The following PCDHGA2 variants were observed in gnomAD, a reference collection of about 807,000 sequenced individuals.
The protein encoded by PCDHGA2 is protocadherin gamma subfamily A, 2.
A neutral mutation model predicts 59.2 loss-of-function variants in PCDHGA2; 40 were observed. The observed-to-expected ratio is 0.68, with a 90% CI of 0.52 to 0.88. PCDHGA2 has a LOEUF of 0.88. Ranked by LOEUF, PCDHGA2 falls within the 40% of genes least tolerant of loss-of-function variation. The pLI is 0.00. For missense variants in PCDHGA2, 1,226 were observed against 1,204.0 expected (o/e 1.02, Z -0.27); for synonymous variants, 560 against 526.0 (o/e 1.06, Z -0.89).
At chr5:141,342,692 A>AT (rs1417532109) in intron 1 of PCDHGA2, 2 of 152,226 alleles carry the variant, frequency 1.3e-5, no homozygotes, top group African/African-American at 2.4e-5. Context: ...AAGCAAAGTT[A>AT]TTTTTAGTGT....
Position 141,432,427 on chromosome 5 carries a change from C to T in PCDHGA2, c.2425-62380C>T, listed in dbSNP as rs775150918. 2.2e-5 allele frequency: 36 copies of T among 1,614,124 alleles called. No homozygotes were observed. The highest frequency in any genetic ancestry group is 3.1e-5 in the Non-Finnish European group (36 of 1,180,044). ...TGAGCCTGTTCGTGCTGGACCAGAA[C>T]GACAATGCGCCCGAGATCCTGTACC... On this transcript the variant is annotated intron_variant, in intron 1 of 3. Transcript: ENST00000394576. This position sits in a 1 kb window ranked among gnomAD's most constrained non-coding sequence, Gnocchi z 6.0.
chr5:141,352,874 G>T (rs1015374463), intron 1 of PCDHGA2, among the ~76,000 whole-genome samples: 1 of 152,146 alleles, frequency 6.6e-6, no homozygotes, highest in Non-Finnish European at 1.5e-5. Context: ...TGTAGTCCCA[G>T]TTACTCAGGA....
intron 1 of PCDHGA2, chr5:141,379,437 A>G (rs1344530566): frequency 6.6e-6 from 1 of 152,252 alleles, no homozygotes; most frequent in Non-Finnish European, 1.5e-5. Context: ...GGGCTGTTAT[A>G]CATATGATTA....
intron 1 of PCDHGA2, chr5:141,414,679 G>T: frequency 6.2e-7 from 1 of 1,613,960 alleles, no homozygotes; most frequent in South Asian, 1.1e-5. Context: ...CACCATCCAG[G>T]GGGTACCTCT....
At chr5:141,412,861 A>T (rs925106716) in intron 1 of PCDHGA2, 19 of 235,604 alleles carry the variant, frequency 8.1e-5, no homozygotes, top group African/African-American at 3.4e-4. Context: ...CAAAGAATCT[A>T]TGTAAAATAT....
rs2099405848 is a variant in PCDHGA2 at position 141,477,120 on chromosome 5, A to G, written c.2425-17687A>G. 2 of 1,614,118 alleles carry G rather than the reference A, an allele frequency of 1.2e-6. No homozygotes were observed. Among genetic ancestry groups the G allele is most frequent in the African/African-American group, 2.7e-5 (2 of 74,942 alleles). On this transcript the variant is annotated intron_variant, in intron 1 of 3. Transcript: ENST00000394576. This position sits in a 1 kb window ranked among gnomAD's most constrained non-coding sequence, Gnocchi z 4.9. ...AAGGGCGCCAATCCCGAAGGAGCAC[A>G]TTGCAAAGTGTTGGTGGAGGTTGTG...
chr5:141,486,379 G>A lies in PCDHGA2; in HGVS notation c.2425-8428G>A. 2 of 1,614,094 alleles carry A rather than the reference G, an allele frequency of 1.2e-6. No individual in the cohort carries two copies. Among genetic ancestry groups the A allele is most frequent in the Non-Finnish European group, 1.7e-6 (2 of 1,180,000 alleles). ...CATTTGCCCTCAAGTCTGCCTTCAG[G>A]AACCAGTTCTCCCTGGTGACTGCTG... On this transcript the variant is annotated intron_variant, in intron 1 of 3. Transcript: ENST00000394576. The surrounding 1 kb of genome is among the most constrained non-coding windows in gnomAD (Gnocchi z 5.0).
intron 1 of PCDHGA2, chr5:141,346,599 T>C: frequency 7.7e-7 from 1 of 1,300,024 alleles, no homozygotes; most frequent in Non-Finnish European, 1.1e-6. Flanking sequence ...CCTTTCTTTC[T>C]GGGCCTATAG....
chr5:141,350,574 C>T (rs369499342), intron 1 of PCDHGA2: 1 of 1,614,004 alleles, frequency 6.2e-7, no homozygotes, highest in Non-Finnish European at 8.5e-7. Flanking sequence ...GAATTCGAAA[C>T]GGTCGCTGAA....
intron 1 of PCDHGA2, chr5:141,371,738 C>T: frequency 1.2e-6 from 2 of 1,614,052 alleles, no homozygotes; most frequent in Non-Finnish European, 1.7e-6. Context: ...TCAACGACAA[C>T]GTTCCCGTTT....
intron 2 of PCDHGA2, among the ~76,000 whole-genome samples, chr5:141,500,189 TTTATTTATTTA>T (rs1562193895): frequency 9.9e-5 from 11 of 110,956 alleles, no homozygotes; most frequent in Middle Eastern, 4.3e-3. Flanking sequence ...TTTATTTTTA[TTTATTTATTTA>T]TTTATTTATT....
At chr5:141,396,826 T>C (rs2150684125) in intron 1 of PCDHGA2, among the ~76,000 whole-genome samples, 1 of 152,342 alleles carries the variant, frequency 6.6e-6, no homozygotes, top group South Asian at 2.1e-4. Flanking sequence ...ATGGTGCATA[T>C]TCAGTGGAGT....
At chr5:141,346,189 G>A in intron 1 of PCDHGA2, 1 of 1,614,102 alleles carries the variant, frequency 6.2e-7, no homozygotes, top group Non-Finnish European at 8.5e-7. Flanking sequence ...CTGCGGCGCT[G>A]GCACAAGTCA....
chr5:141,445,245 T>C (rs2098460607), intron 1 of PCDHGA2, among the ~76,000 whole-genome samples: 1 of 152,212 alleles, frequency 6.6e-6, no homozygotes, highest in Non-Finnish European at 1.5e-5. Flanking sequence ...TTACACTATA[T>C]TGTGTGAGAA....
chr5:141,436,878 G>T (rs914354261), intron 1 of PCDHGA2, among the ~76,000 whole-genome samples: 1 of 152,216 alleles, frequency 6.6e-6, no homozygotes, highest in African/African-American at 2.4e-5. Context: ...GGCCATAAAA[G>T]ATGGGGGAAA....
At chr5:141,510,272 T>TAAAA (rs546154379) in intron 3 of PCDHGA2, among the ~76,000 whole-genome samples, 4 of 130,388 alleles carry the variant, frequency 3.1e-5, no homozygotes, top group Non-Finnish European at 4.9e-5. Context: ...GACTCCATCT[T>TAAAA]AAAAAAAAAA....
intron 1 of PCDHGA2, chr5:141,361,498 A>G (rs1392644737): frequency 1.2e-6 from 2 of 1,613,948 alleles, no homozygotes; most frequent in Admixed American, 1.7e-5. Context: ...TTTCCAACAG[A>G]CTTCCTACAT....
chr5:141,357,386 G>A, intron 1 of PCDHGA2: 1 of 1,614,234 alleles, frequency 6.2e-7, no homozygotes, highest in Non-Finnish European at 8.5e-7. Flanking sequence ...CACGCTGAAG[G>A]CAGCAGGTTG....
rs1266306917 is a variant in PCDHGA2 at position 141,403,005 on chromosome 5, C to A, written c.2424+61610C>A. ...CGCGGAAGATTAGTCCTGCTATGCTCGCTCCTGGGGATGCTATGGGAGGCC... is the reference window on the plus strand; with the variant it reads ...CGCGGAAGATTAGTCCTGCTATGCTAGCTCCTGGGGATGCTATGGGAGGCC... On this transcript the variant is annotated intron_variant, in intron 1 of 3. Transcript: ENST00000394576. The A allele has an allele frequency of 2.5e-6, 4 of 1,613,960 alleles. No homozygotes were observed. The East Asian group carries it at 8.9e-5, about 36-fold the overall frequency.
Sources: allele counts gnomAD v4.1 joint callset (sites outside exome capture counted in the v4.1 genomes callset), GRCh38; gene constraint gnomAD v4.1.1; non-coding constraint Gnocchi (gnomAD v3.1); transcripts MANE v1.5; gene names NCBI Gene and HGNC (gene_info 2026-07-23, HGNC 2026-07-21).